Variants in TNFSF12 observed in about 807,000 individuals in gnomAD.
TNFSF12 encodes tumor necrosis factor ligand superfamily member 12.
TNFSF12 carries 16 observed loss-of-function variants against 31.2 expected under a neutral mutation model. The observed-to-expected ratio is 0.51, with a 90% CI of 0.35 to 0.78. The LOEUF (loss-of-function observed/expected upper bound fraction) is 0.78, where lower values mean the gene tolerates loss of function less well. Ranked by LOEUF, TNFSF12 falls within the 30% of genes least tolerant of loss-of-function variation. The pLI is 0.01. For synonymous variants in TNFSF12, 150 were observed against 151.4 expected (o/e 0.99, Z 0.07); for missense variants, 324 against 338.8 (o/e 0.96, Z 0.34).
At chr17:7,555,517 G>C (rs778879656) in intron 5 of TNFSF12, among the ~76,000 whole-genome samples, 1 of 152,214 alleles carries the variant, frequency 6.6e-6, no homozygotes, top group Non-Finnish European at 1.5e-5. Context: ...GTGAGCCATC[G>C]GAAGGAGGAA....
rs376444597 is a variant in TNFSF12 at position 7,557,306 on chromosome 17, G to T, written c.706G>T (p.Ala236Ser). 6.2e-7 allele frequency: 1 copy of T among 1,612,502 alleles called. No homozygotes were observed. Among genetic ancestry groups the T allele is most frequent in the Non-Finnish European group, 8.5e-7 (1 of 1,179,088 alleles). ...CACCCTCCCCTGGGCCCATCTCAAG[G>T]CTGCCCCCTTCCTCACCTACTTCGG... ...IRTLPWAHLK[A>S]APFLTYFGLF... The change falls in exon 7 of 7, where the codon GCT becomes TCT. Residue 236 changes from alanine (A) to serine (S), a missense_variant. Ala to Ser is a moderately conservative substitution (Grantham distance 99). Coordinates refer to ENST00000293825, the MANE Select transcript of TNFSF12 (RefSeq NM_003809.3). This position sits in a 1 kb window ranked among gnomAD's most constrained non-coding sequence, Gnocchi z 5.2.
chr17:7,555,588 G>C (rs542487000), intron 5 of TNFSF12, among the ~76,000 whole-genome samples: 7 of 152,312 alleles, frequency 4.6e-5, no homozygotes, highest in Non-Finnish European at 8.8e-5. Flanking sequence ...TTTGTGTAGG[G>C]AATAAACTGG....
intron 5 of TNFSF12, among the ~76,000 whole-genome samples, chr17:7,551,559 C>T (rs917003149): frequency 1.1e-4 from 17 of 152,290 alleles, no homozygotes; most frequent in Non-Finnish European, 2.1e-4. Context: ...ATGTTTGCTG[C>T]GCTGACACCC....
chr17:7,549,494 G>T lies in TNFSF12; in HGVS notation c.180G>T (p.Leu60=). 6.5e-7 allele frequency: 1 copy of T among 1,549,158 alleles called. No homozygotes were observed. The highest frequency in any genetic ancestry group is 8.7e-7 in the Non-Finnish European group (1 of 1,143,364). ...LSAQEPAQEE[L]VAEEDQDPSE... The stretch of plus-strand genomic sequence containing the variant: ...AGCAGGAGCCTGCCCAGGAGGAGCT[G>T]GTGGCAGAGGAGGACCAGGACCCGT... Residue 60 remains leucine (L), a synonymous_variant, in exon 2 of 7, where the codon CTG becomes CTT. Transcript: ENST00000293825. This position sits in a 1 kb window ranked among gnomAD's most constrained non-coding sequence, Gnocchi z 4.1.
In TNFSF12 at chr17:7,556,688, G is replaced by A. The variant is rs1008043357; in HGVS notation, c.374-90G>A. 72 of 1,353,016 alleles carry A rather than the reference G, an allele frequency of 5.3e-5. No individual in the cohort carries two copies. The African/African-American group carries it at 5.8e-4, about 11-fold the overall frequency. 83.8% of individuals were successfully genotyped at this position (1,353,016 alleles called of 1,614,324 possible). ...TATGTGTCTTCTGGGTAAAGTGGGC[G>A]CCGAATGTTCATATGCTCAATGGAT... On this transcript the variant is annotated intron_variant, in intron 5 of 6. Coordinates refer to ENST00000293825, the MANE Select transcript of TNFSF12 (RefSeq NM_003809.3).
chr17:7,549,756 G>A lies in TNFSF12; in HGVS notation c.207+235G>A, dbSNP rs1338967741. ...AGTCTGAGGTGTTTATTGGCTGGGGGTGACGTGGTTGTATAAGATATGTGA... is the reference window on the plus strand; with the variant it reads ...AGTCTGAGGTGTTTATTGGCTGGGGATGACGTGGTTGTATAAGATATGTGA... On this transcript the variant is annotated intron_variant, in intron 2 of 6. Transcript: ENST00000293825. The surrounding 1 kb of genome is among the most constrained non-coding windows in gnomAD (Gnocchi z 4.1). 5 of 678,322 alleles carry A rather than the reference G, an allele frequency of 7.4e-6. No individual in the cohort carries two copies. In the Admixed American group the frequency reaches 9.1e-5, roughly 12 times the overall value. The allele number at this position is 678,322 out of a possible 1,614,324, so 42.0% of individuals were successfully genotyped here.
chr17:7,554,320 T>A (rs1446113010), intron 5 of TNFSF12, among the ~76,000 whole-genome samples: 1 of 143,612 alleles, frequency 7.0e-6, no homozygotes, highest in Admixed American at 7.0e-5. Context: ...TTTTTTTTTT[T>A]TTTTTTTTTT....
At position 7,556,869 on chromosome 17, in the gene TNFSF12, C is replaced by T. The variant is rs2071075728; in HGVS notation, c.465C>T (p.Val155=). The change falls in exon 6 of 7, where the codon GTC becomes GTT. Residue 155 remains valine, a synonymous_variant. Coordinates refer to ENST00000293825, the MANE Select transcript of TNFSF12 (RefSeq NM_003809.3). ...ACCGCCAGATCGGGGAGTTTATAGT[C>T]ACCCGGGCTGGGCTCTACTACCTGT... The part of the protein sequence containing the change: ...RYNRQIGEFI[V]TRAGLYYLYC... The T allele has an allele frequency of 1.2e-5, 18 of 1,545,894 alleles. No individual in the cohort carries two copies. The highest frequency in any genetic ancestry group is 1.5e-5 in the Non-Finnish European group (17 of 1,143,816).
Position 7,557,191 on chromosome 17 carries a change from C to T in TNFSF12, c.591C>T (p.Ala197=), listed in dbSNP as rs763568433. ...LALRCLEEFS[A]TAASSLGPQL... ...TGCGCTGCCTGGAGGAATTCTCAGC[C>T]ACTGCGGCGAGTTCCCTCGGGCCCC... Residue 197 remains alanine (A), a synonymous_variant, in exon 7 of 7, where the codon GCC becomes GCT. Transcript: ENST00000293825. The surrounding 1 kb of genome is among the most constrained non-coding windows in gnomAD (Gnocchi z 5.2). The T allele has an allele frequency of 8.1e-6, 13 of 1,612,486 alleles. No individual in the cohort carries two copies. Among genetic ancestry groups the T allele is most frequent in the Non-Finnish European group, 1.1e-5 (13 of 1,178,914 alleles).
chr17:7,557,509 C>A lies in TNFSF12; in HGVS notation c.*159C>A. The A allele has an allele frequency of 1.0e-6, 1 of 997,800 alleles. No individual in the cohort carries two copies. The highest frequency in any genetic ancestry group is 1.4e-6 in the Non-Finnish European group (1 of 704,238). The allele number at this position is 997,800 out of a possible 1,614,324, so 61.8% of individuals were successfully genotyped here. On this transcript the variant is annotated 3_prime_UTR_variant, in exon 7 of 7. Coordinates refer to ENST00000293825, the MANE Select transcript of TNFSF12 (RefSeq NM_003809.3). The surrounding 1 kb of genome is among the most constrained non-coding windows in gnomAD (Gnocchi z 5.2). ...GCCTGTTCACGTGTTTTCCATCCCA[C>A]ATAAATACAGTATTCCCACTCTTAT...
chr17:7,557,515 T>G lies in TNFSF12; in HGVS notation c.*165T>G. Reference sequence around the variant, plus strand: ...TCACGTGTTTTCCATCCCACATAAATACAGTATTCCCACTCTTATCTTACA... The same window carrying G: ...TCACGTGTTTTCCATCCCACATAAAGACAGTATTCCCACTCTTATCTTACA... On this transcript the variant is annotated 3_prime_UTR_variant, in exon 7 of 7. Coordinates refer to ENST00000293825, the MANE Select transcript of TNFSF12 (RefSeq NM_003809.3). The surrounding 1 kb of genome is among the most constrained non-coding windows in gnomAD (Gnocchi z 5.2). 1 of 940,796 alleles carries G rather than the reference T, an allele frequency of 1.1e-6. No individual in the cohort carries two copies. Among genetic ancestry groups the G allele is most frequent in the Non-Finnish European group, 1.5e-6 (1 of 653,776 alleles). 58.3% of individuals were successfully genotyped at this position (940,796 alleles called of 1,614,324 possible). A position where few individuals can be genotyped will look rare whatever the true frequency, so the allele number is the denominator to read the frequency against.
chr17:7,553,295 C>A (rs1319169974), intron 5 of TNFSF12, among the ~76,000 whole-genome samples: 1 of 151,922 alleles, frequency 6.6e-6, no homozygotes, highest in Non-Finnish European at 1.5e-5. Context: ...GTGTTCCACC[C>A]GCTTCGGCCT....
chr17:7,549,463 C>A lies in TNFSF12; in HGVS notation c.160-11C>A. On this transcript the variant is annotated splice_polypyrimidine_tract_variant and intron_variant, in intron 1 of 6. Coordinates refer to ENST00000293825, the MANE Select transcript of TNFSF12 (RefSeq NM_003809.3). The surrounding 1 kb of genome is among the most constrained non-coding windows in gnomAD (Gnocchi z 4.1). ...GAGCGGCACAGGGTGACGCTCCCTC[C>A]TTCCCAGCAGGAGCCTGCCCAGGAG... 5 of 1,515,530 alleles carry A rather than the reference C, an allele frequency of 3.3e-6. No homozygotes were observed. In the Admixed American group the frequency reaches 6.1e-5, roughly 19 times the overall value. The allele number at this position is 1,515,530 out of a possible 1,614,324, so 93.9% of individuals were successfully genotyped here.
intron 5 of TNFSF12, among the ~76,000 whole-genome samples, chr17:7,554,333 A>C (rs1311681665): frequency 4.8e-5 from 3 of 62,654 alleles, no homozygotes; most frequent in African/African-American, 1.8e-4. Flanking sequence ...TTTTTTTTTG[A>C]GATGGAGTCT....
In TNFSF12 at chr17:7,550,049, C is replaced by T. The variant is rs1261815974; in HGVS notation, c.208-71C>T. The T allele has an allele frequency of 9.9e-6, 16 of 1,610,268 alleles. No individual in the cohort carries two copies. Among genetic ancestry groups the T allele is most frequent in the African/African-American group, 1.3e-5 (1 of 74,780 alleles). On this transcript the variant is annotated intron_variant, in intron 2 of 6. Transcript: ENST00000293825. The surrounding 1 kb of genome is among the most constrained non-coding windows in gnomAD (Gnocchi z 4.4). ...TGTCTATTGCTGGCTGGTGGCTCTC[C>T]TGACAGGCCCCGTATGTCTCACTTT...
At chr17:7,555,982 G>GTTTTTTTTTTTT (rs1167470187) in intron 5 of TNFSF12, among the ~76,000 whole-genome samples, 1 of 117,732 alleles carries the variant, frequency 8.5e-6, no homozygotes, top group Non-Finnish European at 1.7e-5. Flanking sequence ...CGTTTTTTTT[G>GTTTTTTTTTTTT]TTTTTTTTTT....
intron 5 of TNFSF12, among the ~76,000 whole-genome samples, chr17:7,555,413 C>T (rs753923177): frequency 7.2e-5 from 11 of 152,018 alleles, no homozygotes; most frequent in Admixed American, 1.3e-4. Context: ...CTAAGTTCAG[C>T]GTGGCAGAAG....
Position 7,550,757 on chromosome 17 carries a change from A to G in TNFSF12, c.284-42A>G, listed in dbSNP as rs767168376. 1.9e-6 allele frequency: 3 copies of G among 1,592,386 alleles called. No individual in the cohort carries two copies. The South Asian group carries it at 3.3e-5, about 18-fold the overall frequency. On this transcript the variant is annotated intron_variant, in intron 3 of 6. Transcript: ENST00000293825. The surrounding 1 kb of genome is among the most constrained non-coding windows in gnomAD (Gnocchi z 4.4). ...CTGGGAGAGTTGCTCTGGGACCCCCACTAGGGCCCGCTTTGCTCATCTGTC... is the reference window on the plus strand; with the variant it reads ...CTGGGAGAGTTGCTCTGGGACCCCCGCTAGGGCCCGCTTTGCTCATCTGTC...
Position 7,549,187 on chromosome 17 carries a change from C to T in TNFSF12, c.34C>T (p.Arg12Cys). 7.7e-7 allele frequency: 1 copy of T among 1,303,786 alleles called. No homozygotes were observed. 80.8% of individuals were successfully genotyped at this position (1,303,786 alleles called of 1,614,324 possible). Residue 12 changes from arginine to cysteine, a missense_variant, in exon 1 of 7, where the codon CGC becomes TGC. Coordinates refer to ENST00000293825, the MANE Select transcript of TNFSF12 (RefSeq NM_003809.3). This position sits in a 1 kb window ranked among gnomAD's most constrained non-coding sequence, Gnocchi z 4.1. ...AARRSQRRRG[R>C]RGEPGTALLV... ...CCGTCGGAGCCAGAGGCGGAGGGGG[C>T]GCCGGGGGGAGCCGGGCACCGCCCT...
Sources: allele counts gnomAD v4.1 joint callset (sites outside exome capture counted in the v4.1 genomes callset), GRCh38; gene constraint gnomAD v4.1.1; non-coding constraint Gnocchi (gnomAD v3.1); transcripts MANE v1.5; gene names NCBI Gene and HGNC (gene_info 2026-07-23, HGNC 2026-07-21).